The following FOXP2 variants were observed in gnomAD, a reference collection of about 807,000 sequenced individuals.
The protein encoded by FOXP2 is forkhead box P2.
A neutral mutation model predicts 115.8 loss-of-function variants in FOXP2; 12 were observed. The observed-to-expected ratio is 0.10, with a 90% confidence interval of 0.07 to 0.17. FOXP2 has a LOEUF of 0.17. Ranked by LOEUF, FOXP2 falls within the 10% of genes least tolerant of loss-of-function variation. FOXP2 has a pLI of 1.00. For synonymous variants in FOXP2, 328 were observed against 297.7 expected (o/e 1.10, Z -1.05); for missense variants, 629 against 843.5 (o/e 0.75, Z 3.15).
intron 2 of FOXP2, among the ~76,000 whole-genome samples, chr7:114,303,484 G>T (rs1796926059): frequency 6.6e-6 from 1 of 152,120 alleles, no homozygotes; most frequent in Non-Finnish European, 1.5e-5. Flanking sequence ...CTGGAGCAGA[G>T]AATGACTTCA....
At chr7:114,251,405 T>A (rs568672334) in intron 1 of FOXP2, among the ~76,000 whole-genome samples, 2 of 152,130 alleles carry the variant, frequency 1.3e-5, no homozygotes, top group Non-Finnish European at 2.9e-5. Context: ...CCATTTTCAT[T>A]ATATTGATTC....
chr7:114,665,350 CA>C (rs1332681869), intron 16 of FOXP2: 1 of 152,092 alleles, frequency 6.6e-6, no homozygotes, highest in Non-Finnish European at 1.5e-5. Context: ...AATTAAACGT[CA>C]CATACTTCTA....
intron 1 of FOXP2, among the ~76,000 whole-genome samples, chr7:114,097,507 T>C (rs1465373715): frequency 6.6e-6 from 1 of 152,250 alleles, no homozygotes; most frequent in Non-Finnish European, 1.5e-5. Flanking sequence ...GAGCTTAGAA[T>C]CTTCCTCTTA....
chr7:114,173,559 C>T (rs1793204938), intron 1 of FOXP2, among the ~76,000 whole-genome samples: 1 of 151,552 alleles, frequency 6.6e-6, no homozygotes. Flanking sequence ...TATAGCTAGG[C>T]TCAACACAAA....
chr7:114,665,638 G>GT (rs1807122978), intron 16 of FOXP2: 1 of 151,964 alleles, frequency 6.6e-6, no homozygotes, highest in Non-Finnish European at 1.5e-5. Flanking sequence ...ACATTAATGT[G>GT]TTTTATCAGG....
Position 114,127,283 on chromosome 7 carries a change from T to C in FOXP2, c.-246-35661T>C, listed in dbSNP as rs757311207. Among the ~76,000 whole-genome samples the C allele has an allele frequency of 2.6e-5, 4 of 152,164 alleles. No homozygotes were observed. The South Asian group carries it at 8.3e-4, about 31-fold the overall frequency. On this transcript the variant is annotated intron_variant, in intron 1 of 19. Transcript: ENST00000635638. ...CTACACTCTTATGTAACAATCATGG[T>C]AGTAACATCTCATCACCCTCAATGG... is the stretch of plus-strand genomic sequence containing the variant.
At chr7:114,573,521 A>G (rs978580418) in intron 3 of FOXP2, among the ~76,000 whole-genome samples, 2 of 151,760 alleles carry the variant, frequency 1.3e-5, no homozygotes, top group African/African-American at 4.8e-5. Context: ...TTTCATCACT[A>G]TGTAACTAAC....
intron 1 of FOXP2, among the ~76,000 whole-genome samples, chr7:114,417,635 T>A (rs1793407435): frequency 6.6e-6 from 1 of 151,964 alleles, no homozygotes; most frequent in African/African-American, 2.4e-5. Context: ...ATTTTCCACC[T>A]CTGTTCACAC....
At chr7:114,575,389 A>G (rs897253353) in intron 3 of FOXP2, among the ~76,000 whole-genome samples, 10 of 151,866 alleles carry the variant, frequency 6.6e-5, no homozygotes, top group African/African-American at 2.4e-4. Context: ...ATGTAAATTT[A>G]AGTGTATTTT....
At chr7:114,409,780 A>G (rs558285405), upstream of FOXP2, among the ~76,000 whole-genome samples, 6 of 152,114 alleles carry the variant, frequency 3.9e-5, no homozygotes, top group African/African-American at 7.2e-5. Context: ...ACTGGTCTAA[A>G]TTAACTTTCC....
At chr7:114,176,484 C>A (rs1051972607) in intron 1 of FOXP2, among the ~76,000 whole-genome samples, 14 of 151,478 alleles carry the variant, frequency 9.2e-5, no homozygotes, top group African/African-American at 3.4e-4. Context: ...GGACTACAGG[C>A]GCGCACCACC....
intron 1 of FOXP2, among the ~76,000 whole-genome samples, chr7:114,252,359 A>T (rs1275374905): frequency 6.6e-6 from 1 of 152,174 alleles, no homozygotes; most frequent in Non-Finnish European, 1.5e-5. Flanking sequence ...ATAGTTTCAG[A>T]AGGAATGGTA....
intron 2 of FOXP2, among the ~76,000 whole-genome samples, chr7:114,403,234 T>G (rs1052425009): frequency 1.2e-4 from 18 of 152,232 alleles, no homozygotes; most frequent in African/African-American, 4.3e-4. Context: ...CAAGTAAGTT[T>G]AGTTGTGTTT....
intron 7 of FOXP2, among the ~76,000 whole-genome samples, chr7:114,643,839 A>C (rs1805720119): frequency 6.6e-6 from 1 of 152,200 alleles, no homozygotes; most frequent in Admixed American, 6.5e-5. Context: ...GTGGACTGAT[A>C]GTGTTCTGTT....
At chr7:114,207,542 T>C (rs980080230) in intron 1 of FOXP2, among the ~76,000 whole-genome samples, 2 of 152,224 alleles carry the variant, frequency 1.3e-5, no homozygotes, top group Non-Finnish European at 2.9e-5. Flanking sequence ...GGCAAATTCT[T>C]ACTTGAATAA....
At chr7:114,129,052 A>G (rs1462183450) in intron 1 of FOXP2, among the ~76,000 whole-genome samples, 1 of 152,122 alleles carries the variant, frequency 6.6e-6, no homozygotes, top group East Asian at 1.9e-4. Flanking sequence ...TATGTTGGTG[A>G]TACTACATCC....
At chr7:114,641,347 G>A (rs1805517563) in intron 6 of FOXP2, among the ~76,000 whole-genome samples, 2 of 152,036 alleles carry the variant, frequency 1.3e-5, no homozygotes, top group Admixed American at 1.3e-4. Flanking sequence ...ATTATATCTA[G>A]CTTTTCTATT....
intron 1 of FOXP2, among the ~76,000 whole-genome samples, chr7:114,206,274 C>T (rs1366301608): frequency 2.6e-5 from 4 of 152,114 alleles, no homozygotes; most frequent in Non-Finnish European, 5.9e-5. Context: ...AAATTCATTA[C>T]TGTGGTCACT....
chr7:114,254,343 A>G (rs1361743103), intron 1 of FOXP2, among the ~76,000 whole-genome samples: 1 of 152,080 alleles, frequency 6.6e-6, no homozygotes, highest in Admixed American at 6.6e-5. Context: ...TTGGCCTGCC[A>G]TGCTAGGTTG....
Sources: allele counts gnomAD v4.1 joint callset (sites outside exome capture counted in the v4.1 genomes callset), GRCh38; gene constraint gnomAD v4.1.1; transcripts MANE v1.5; gene names NCBI Gene and HGNC (gene_info 2026-07-23, HGNC 2026-07-21).